The following MTNAP1 variants were observed in gnomAD, a reference collection of about 807,000 sequenced individuals.
MTNAP1 encodes the protein mitochondrial nucleoid-associated protein 1.
At chr17:73,242,808 C>T in the MTNAP1 span, 1 of 968,682 alleles carries the variant, frequency 1.0e-6, no homozygotes, top group South Asian at 1.5e-5. Flanking sequence ...TTCCATCACT[C>T]AGGCTAACTG....
chr17:73,242,635 A>ACT, the MTNAP1 span, among the ~76,000 whole-genome samples: 1 of 152,040 alleles, frequency 6.6e-6, no homozygotes, highest in African/African-American at 2.4e-5. Flanking sequence ...AGCCAGAAAA[A>ACT]CTCTAAACCT....
chr17:73,244,053 T>TA, the MTNAP1 span, among the ~76,000 whole-genome samples: 1 of 152,210 alleles, frequency 6.6e-6, no homozygotes, highest in African/African-American at 2.4e-5. Flanking sequence ...TTTGAACACT[T>TA]AAAAAACAAA....
At chr17:73,247,937 G>C in the MTNAP1 span, 1 of 154,326 alleles carries the variant, frequency 6.5e-6, no homozygotes, top group Admixed American at 6.4e-5. Context: ...CTGCCACCTG[G>C]GTTGGGAAAA....
At chr17:73,246,512 G>A in the MTNAP1 span, among the ~76,000 whole-genome samples, 2 of 152,172 alleles carry the variant, frequency 1.3e-5, no homozygotes, top group Admixed American at 6.5e-5. Context: ...TTCCAGCCTG[G>A]GTGATGGAAG....
the MTNAP1 span, among the ~76,000 whole-genome samples, chr17:73,239,052 C>T: frequency 6.6e-6 from 1 of 152,084 alleles, no homozygotes; most frequent in East Asian, 1.9e-4. Context: ...ATTCTCCTGC[C>T]TCAGCCTCCC....
the MTNAP1 span, among the ~76,000 whole-genome samples, chr17:73,239,520 C>CTTTTTTTTTTT: frequency 7.1e-6 from 1 of 141,518 alleles, no homozygotes. Flanking sequence ...CTTCAGACAT[C>CTTTTTTTTTTT]TTTTTTTTTT....
the MTNAP1 span, among the ~76,000 whole-genome samples, chr17:73,241,970 TG>T: frequency 1.3e-5 from 2 of 152,190 alleles, no homozygotes; most frequent in African/African-American, 4.8e-5. Flanking sequence ...ATGAAGCACA[TG>T]CGCATCAATC....
At chr17:73,248,557 C>G in the MTNAP1 span, 1 of 1,551,458 alleles carries the variant, frequency 6.4e-7, no homozygotes, top group Non-Finnish European at 8.7e-7. Flanking sequence ...CATACAAATG[C>G]AGCGTGAGAA....
the MTNAP1 span, among the ~76,000 whole-genome samples, chr17:73,233,733 G>C: frequency 6.6e-6 from 1 of 152,106 alleles, no homozygotes; most frequent in African/African-American, 2.4e-5. Context: ...GCGTGGTGGC[G>C]CACGCCCTTA....
the MTNAP1 span, among the ~76,000 whole-genome samples, chr17:73,239,520 C>CTTTTTTTT: frequency 7.1e-6 from 1 of 141,518 alleles, no homozygotes; most frequent in Non-Finnish European, 1.5e-5. Flanking sequence ...CTTCAGACAT[C>CTTTTTTTT]TTTTTTTTTT....
chr17:73,243,174 G>A, the MTNAP1 span: 1 of 670,872 alleles, frequency 1.5e-6, no homozygotes, highest in East Asian at 2.9e-5. Flanking sequence ...ATTTTTTTGA[G>A]ATACAGTTTT....
At chr17:73,247,542 C>A in the MTNAP1 span, 1 of 535,078 alleles carries the variant, frequency 1.9e-6, no homozygotes, top group Non-Finnish European at 3.3e-6. Context: ...GGTGCTGAAA[C>A]ATAATGAAAA....
At chr17:73,234,622 T>C in the MTNAP1 span, among the ~76,000 whole-genome samples, 1 of 138,962 alleles carries the variant, frequency 7.2e-6, no homozygotes, top group East Asian at 2.1e-4. Context: ...ACCTGGGAAA[T>C]GGAGGTTTCA....
At chr17:73,240,900 C>G in the MTNAP1 span, among the ~76,000 whole-genome samples, 1 of 152,108 alleles carries the variant, frequency 6.6e-6, no homozygotes, top group Non-Finnish European at 1.5e-5. Context: ...GACTAACCTT[C>G]ACCTTGCAAG....
the MTNAP1 span, among the ~76,000 whole-genome samples, chr17:73,246,507 G>C: frequency 2.0e-5 from 3 of 152,228 alleles, no homozygotes; most frequent in Non-Finnish European, 2.9e-5. Context: ...TTGCATTCCA[G>C]CCTGGGTGAT....
At chr17:73,235,911 A>G in the MTNAP1 span, 1 of 1,614,200 alleles carries the variant, frequency 6.2e-7, no homozygotes, top group Non-Finnish European at 8.5e-7. Flanking sequence ...TTTACGCATC[A>G]GAGAAAACCT....
the MTNAP1 span, among the ~76,000 whole-genome samples, chr17:73,234,501 G>T: frequency 1.3e-5 from 2 of 151,900 alleles, no homozygotes; most frequent in Admixed American, 1.3e-4. Flanking sequence ...GACCATCCTG[G>T]CCAACATGGT....
the MTNAP1 span, chr17:73,236,474 G>T: frequency 6.2e-7 from 1 of 1,614,208 alleles, no homozygotes; most frequent in Admixed American, 1.7e-5. Flanking sequence ...ATGAGCCATG[G>T]CTGTGAGAAC....
the MTNAP1 span, chr17:73,236,132 T>C: frequency 6.2e-7 from 1 of 1,614,186 alleles, no homozygotes; most frequent in Non-Finnish European, 8.5e-7. Flanking sequence ...CAGGAACTTC[T>C]AGTAAAATTA....
Sources: allele counts gnomAD v4.1 joint callset (sites outside exome capture counted in the v4.1 genomes callset), GRCh38; gene constraint gnomAD v4.1.1; transcripts MANE v1.5; gene names NCBI Gene and HGNC (gene_info 2026-07-23, HGNC 2026-07-21).